The following ZNF71 variants were observed in gnomAD, a reference collection of about 807,000 sequenced individuals.
ZNF71 encodes the protein zinc finger protein 71.
Under a neutral mutation model 6.7 loss-of-function variants are expected in ZNF71, and 3 were observed. The ratio of observed to expected loss-of-function variants is 0.45; its 90% CI spans 0.20 to 1.16. The LOEUF (loss-of-function observed/expected upper bound fraction) is 1.16, where lower values mean the gene tolerates loss of function less well. Ranked by LOEUF, ZNF71 falls within the 50% of genes most tolerant of loss-of-function variation. The pLI is 0.25. For missense variants in ZNF71, 688 were observed against 728.6 expected, an observed-to-expected ratio of 0.94 and a Z score of 0.64; for synonymous variants, 343 against 311.1, an observed-to-expected ratio of 1.10 and a Z score of -1.08.
intron 2 of ZNF71, among the ~76,000 whole-genome samples, chr19:56,608,536 T>C (rs1382474677): frequency 6.6e-6 from 1 of 152,216 alleles, no homozygotes; most frequent in African/African-American, 2.4e-5. Flanking sequence ...CTTGGGTTGC[T>C]TCCACCTTTT....
At position 56,617,122 on chromosome 19, in the gene ZNF71, G is replaced by GTTT. The variant is rs367787804; in HGVS notation, c.160+3190_160+3192dup. On this transcript the variant is annotated intron_variant, in intron 3 of 3. Transcript: ENST00000599599. ...CTTCCATTTTCTTTTGTTTTTTTTT[G>GTTT]TTTTTTTTGAGACAGTCTTGCTCTG... Among the ~76,000 whole-genome samples, 404 of 142,852 alleles carry GTTT rather than the reference G, an allele frequency of 2.8e-3. 9 individuals carry two copies. In the South Asian group the frequency reaches 0.035, roughly 12 times the overall value. 93.7% of individuals were successfully genotyped at this position (142,852 alleles called of 152,430 possible).
chr19:56,617,980 A>G (rs2044809683), intron 3 of ZNF71, among the ~76,000 whole-genome samples: 1 of 151,926 alleles, frequency 6.6e-6, no homozygotes, highest in African/African-American at 2.4e-5. Flanking sequence ...GCCCCAGACA[A>G]AATTCACCAT....
chr19:56,604,652 C>T (rs763142610), intron 2 of ZNF71, among the ~76,000 whole-genome samples: 3 of 152,162 alleles, frequency 2.0e-5, no homozygotes, highest in Non-Finnish European at 2.9e-5. Context: ...GCCAGGATTC[C>T]GTTGCAGAGT....
chr19:56,619,918 G>C (rs150776002), intron 3 of ZNF71, among the ~76,000 whole-genome samples: 1 of 152,188 alleles, frequency 6.6e-6, no homozygotes, highest in Non-Finnish European at 1.5e-5. Context: ...GCTAGAAATC[G>C]AGGTTTAGAA....
At chr19:56,608,459 A>T (rs1311941384) in intron 2 of ZNF71, among the ~76,000 whole-genome samples, 1 of 151,286 alleles carries the variant, frequency 6.6e-6, no homozygotes, top group Non-Finnish European at 1.5e-5. Flanking sequence ...TTTTTTTTTT[A>T]AAGGCGGAAT....
chr19:56,595,547 G>C (rs1049085881), intron 1 of ZNF71, 119 bp downstream of exon 1: 8 of 159,758 alleles, frequency 5.0e-5, no homozygotes, highest in African/African-American at 1.4e-4. Flanking sequence ...CTGAGGGGAA[G>C]CTGAGGGGCT....
At chr19:56,612,445 T>TA (rs2044758916) in intron 2 of ZNF71, among the ~76,000 whole-genome samples, 1 of 151,996 alleles carries the variant, frequency 6.6e-6, no homozygotes, top group African/African-American at 2.4e-5. Context: ...TACTCAGCCA[T>TA]AAAAAATAAT....
At chr19:56,614,990 C>T (rs1394114436) in intron 3 of ZNF71, among the ~76,000 whole-genome samples, 2 of 147,802 alleles carry the variant, frequency 1.4e-5, no homozygotes, top group Admixed American at 1.4e-4. Flanking sequence ...AGTATGTACC[C>T]TTTTTTTTTT....
chr19:56,621,574 C>T lies in ZNF71; in HGVS notation c.467C>T (p.Pro156Leu), dbSNP rs142544600. ...CTGGTCCCACCACGGCTGGACGACC[C>T]CACAGAAAAGGGGGCCTGTCCACCC... ...CVLVPPRLDD[P>L]TEKGACPPVR... The change falls in exon 4 of 4, where the codon CCC becomes CTC. Residue 156 changes from proline (P) to leucine (L), a missense_variant. Transcript: ENST00000599599. 3.5e-5 allele frequency: 56 copies of T among 1,614,222 alleles called. No individual in the cohort carries two copies. In the African/African-American group the frequency reaches 5.1e-4, roughly 15 times the overall value.
chr19:56,614,785 CAT>C (rs2044778020), intron 3 of ZNF71, among the ~76,000 whole-genome samples: 1 of 152,204 alleles, frequency 6.6e-6, no homozygotes, highest in African/African-American at 2.4e-5. Flanking sequence ...TGCATTTTGA[CAT>C]AGTGCATACC....
intron 3 of ZNF71, among the ~76,000 whole-genome samples, chr19:56,614,176 C>T (rs906184308): frequency 1.4e-4 from 21 of 152,000 alleles, no homozygotes; most frequent in East Asian, 3.8e-4. Flanking sequence ...AAAGACTAAG[C>T]GAATAATAGA....
At position 56,622,146 on chromosome 19, in the gene ZNF71, G is replaced by A; in HGVS notation, c.1039G>A (p.Glu347Lys). ...CTTCAGCCAGAACATGCACCTGACCGAGCACCAGCGCACGCACACCGGGGA... is the reference window on the plus strand; with the variant it reads ...CTTCAGCCAGAACATGCACCTGACCAAGCACCAGCGCACGCACACCGGGGA... ...RAFSQNMHLT[E>K]HQRTHTGEKP... is the part of the protein sequence containing the mutation. The change falls in exon 4 of 4, where the codon GAG becomes AAG. Residue 347 changes from glutamate to lysine, a missense_variant. Glu to Lys is a moderately conservative substitution (Grantham distance 56). Transcript: ENST00000599599. 1.2e-6 allele frequency: 2 copies of A among 1,611,500 alleles called. No individual in the cohort carries two copies. The highest frequency in any genetic ancestry group is 2.2e-5 in the East Asian group (1 of 44,664).
At position 56,603,241 on chromosome 19, in the gene ZNF71, G is replaced by A. The variant is rs1056605709; in HGVS notation, c.33+1650G>A. ...TTCCATTTTCCCCCATCAGTCCACG[G>A]CCCCTGGCAACCAGTAATCAGCTTT... On this transcript the variant is annotated intron_variant, in intron 2 of 3. Transcript: ENST00000599599. The surrounding 1 kb of genome is among the most constrained non-coding windows in gnomAD (Gnocchi z 4.6). Among the ~76,000 whole-genome samples the A allele has an allele frequency of 1.1e-4, 16 of 152,084 alleles. No homozygotes were observed. The highest frequency in any genetic ancestry group is 3.9e-4 in the African/African-American group (16 of 41,390).
Position 56,621,820 on chromosome 19 carries a change from G to A in ZNF71, c.713G>A (p.Arg238Gln), listed in dbSNP as rs768173155. ...IERSSLTIHQ[R>Q]VHTGEKPYAC... ...CGCTCGTCCCTCACCATCCACCAGC[G>A]GGTGCACACGGGCGAGAAGCCCTAT... The change falls in exon 4 of 4, where the codon CGG becomes CAG. Residue 238 changes from arginine (R) to glutamine (Q), a missense_variant. Coordinates refer to ENST00000599599, the MANE Select transcript of ZNF71 (RefSeq NM_001370215.1). The A allele has an allele frequency of 6.2e-7, 1 of 1,612,016 alleles. No homozygotes were observed. The highest frequency in any genetic ancestry group is 1.3e-5 in the African/African-American group (1 of 74,920).
rs763991570 is a variant in ZNF71, at chr19:56,621,421, C to T, written c.314C>T (p.Pro105Leu). The T allele has an allele frequency of 3.7e-6, 6 of 1,613,464 alleles. No homozygotes were observed. Among genetic ancestry groups the T allele is most frequent in the South Asian group, 1.1e-5 (1 of 90,944 alleles). ...GGAGTGTGGGAACCAGGCAGCTGGC[C>T]AGAGAGGCCGCGGGGAGATGCAGGT... The part of the protein sequence containing the change: ...SEGVWEPGSW[P>L]ERPRGDAGAE... The change falls in exon 4 of 4, where the codon CCA becomes CTA. Residue 105 changes from proline (P) to leucine (L), a missense_variant. By Grantham distance (98) the Pro-to-Leu change is moderately conservative. Coordinates refer to ENST00000599599, the MANE Select transcript of ZNF71 (RefSeq NM_001370215.1).
chr19:56,617,449 T>C (rs2044804880), intron 3 of ZNF71, among the ~76,000 whole-genome samples: 1 of 152,198 alleles, frequency 6.6e-6, no homozygotes, highest in Admixed American at 6.5e-5. Flanking sequence ...TGTGAATTAC[T>C]TTCTAATCAG....
intron 1 of ZNF71, among the ~76,000 whole-genome samples, chr19:56,600,663 G>A (rs1471620260): frequency 3.9e-5 from 6 of 152,008 alleles, no homozygotes; most frequent in African/African-American, 1.2e-4. Flanking sequence ...TTCTATGCCT[G>A]GCTTATTTCA....
At chr19:56,597,488 C>G (rs1445209407) in intron 1 of ZNF71, among the ~76,000 whole-genome samples, 1 of 152,218 alleles carries the variant, frequency 6.6e-6, no homozygotes, top group African/African-American at 2.4e-5. Flanking sequence ...CTTCCCCAGG[C>G]TGGAAGATGC....
chr19:56,617,112 G>GTTTTTTT lies in ZNF71; in HGVS notation c.160+3177_160+3183dup, dbSNP rs748784485. Among the ~76,000 whole-genome samples the GTTTTTTT allele has an allele frequency of 8.0e-3, 1,129 of 140,490 alleles. 92 individuals are homozygous for GTTTTTTT. The highest frequency in any genetic ancestry group is 0.028 in the African/African-American group (980 of 35,184). 92.2% of individuals were successfully genotyped at this position (140,490 alleles called of 152,430 possible). ...TTACAGGAGACTTCCATTTTCTTTT[G>GTTTTTTT]TTTTTTTTTGTTTTTTTTGAGACAG... is the stretch of plus-strand genomic sequence containing the variant. On this transcript the variant is annotated intron_variant, in intron 3 of 3. Coordinates refer to ENST00000599599, the MANE Select transcript of ZNF71 (RefSeq NM_001370215.1).
Sources: allele counts gnomAD v4.1 joint callset (sites outside exome capture counted in the v4.1 genomes callset), GRCh38; gene constraint gnomAD v4.1.1; non-coding constraint Gnocchi (gnomAD v3.1); transcripts MANE v1.5; gene names NCBI Gene and HGNC (gene_info 2026-07-23, HGNC 2026-07-21).